VWF: variants seen among roughly 807,000 people sequenced by gnomAD.
The protein encoded by VWF is Factor VIII related antigen.
A neutral mutation model predicts 308.6 loss-of-function variants in VWF; 176 were observed. That is an observed-to-expected ratio of 0.57 (90% CI 0.50 to 0.65). The LOEUF is 0.65. Ranked by LOEUF, VWF falls within the 30% of genes least tolerant of loss-of-function variation. The pLI is 0.00. For synonymous variants in VWF, 1,385 were observed against 1,443.4 expected (o/e 0.96, Z 0.92); for missense variants, 3,146 against 3,648.2 (o/e 0.86, Z 3.55).
chr12:6,059,352 T>G (rs1052473788), intron 13 of VWF, among the ~76,000 whole-genome samples: 2 of 152,242 alleles, frequency 1.3e-5, no homozygotes, highest in Non-Finnish European at 2.9e-5. Context: ...CATTAGAACT[T>G]AAGCTAAATG....
intron 25 of VWF, among the ~76,000 whole-genome samples, chr12:6,023,140 T>C (rs1401617527): frequency 6.6e-6 from 1 of 152,182 alleles, no homozygotes; most frequent in Non-Finnish European, 1.5e-5. Context: ...CAGGCTGGTC[T>C]TGAACTCCTG....
At chr12:6,074,134 CA>C (rs1268794650) in intron 7 of VWF, among the ~76,000 whole-genome samples, 3 of 152,094 alleles carry the variant, frequency 2.0e-5, no homozygotes, top group Non-Finnish European at 4.4e-5. Flanking sequence ...CCCTCCATCC[CA>C]TCCCTCCTCC....
At position 6,019,280 on chromosome 12, in the gene VWF, T is replaced by C. The variant is rs11063988; in HGVS notation, c.4138A>G (p.Ile1380Val). 6.4e-3 allele frequency: 10,334 copies of C among 1,613,744 alleles called. 552 individuals are homozygous for C. In the African/African-American group the frequency reaches 0.12, roughly 18 times the overall value. The change falls in exon 28 of 52, where the codon ATC (isoleucine) becomes GTC (valine). Residue 1380 changes from isoleucine to valine, a missense_variant. Ile to Val is a conservative substitution (Grantham distance 29). This residue lies in a region of VWF where 853 missense variants were observed against 1,177.8 expected (regional missense o/e 0.72). Transcript: ENST00000261405. This position sits in a 1 kb window ranked among gnomAD's most constrained non-coding sequence, Gnocchi z 5.8. ...TGGCTGGCCATCAGGAGCAGGGTGA[T>C]GCGGGAGGCTTCAGGGCGGTCGATC... ...SKIDRPEASR[I>V]TLLLMASQEP...
rs755717764 is a variant in VWF at position 5,990,868 on chromosome 12, TAAAAAAAAAAAAAAAAAA to T, written c.6798+933_6798+950del. Among the ~76,000 whole-genome samples the T allele has an allele frequency of 7.9e-4, 25 of 31,454 alleles. 1 individual carries two copies. In the South Asian group the frequency reaches 0.015, roughly 19 times the overall value. 20.6% of individuals were successfully genotyped at this position (31,454 alleles called of 152,430 possible). A position where few individuals can be genotyped will look rare whatever the true frequency, so the allele number is the denominator to read the frequency against. ...ATACACTCAATAACTCCCATAGAGC[TAAAAAAAAAAAAAAAAAA>T]AAAAAAAAAAAAAAAAAAAAAATTT... On this transcript the variant is annotated intron_variant, in intron 38 of 51. Coordinates refer to ENST00000261405, the MANE Select transcript of VWF (RefSeq NM_000552.5).
In VWF at chr12:6,019,785, C is replaced by A; in HGVS notation, c.3675-42G>T. ...AGAAATTAAAATGGTTCAGGAAGAA[C>A]CTGTGGACACTTCTGAGCCCTACAG... On this transcript the variant is annotated intron_variant, in intron 27 of 51. Transcript: ENST00000261405. The surrounding 1 kb of genome is among the most constrained non-coding windows in gnomAD (Gnocchi z 5.8). 1.3e-6 allele frequency: 2 copies of A among 1,569,942 alleles called. No individual in the cohort carries two copies. Among genetic ancestry groups the A allele is most frequent in the Admixed American group, 1.9e-5 (1 of 52,708 alleles).
rs929417510 is a variant in VWF at position 6,021,807 on chromosome 12, G to A, written c.3674+93C>T. On this transcript the variant is annotated intron_variant, in intron 27 of 51. Transcript: ENST00000261405. ...TAAACTCAGTCTCTCAACTCATGTG[G>A]CTAGGACTTTTTACCCAAAACCTAG... 6.1e-6 allele frequency: 9 copies of A among 1,465,950 alleles called. No individual in the cohort carries two copies. The Admixed American group carries it at 1.5e-4, about 25-fold the overall frequency. 90.8% of individuals were successfully genotyped at this position (1,465,950 alleles called of 1,614,324 possible). A position where few individuals can be genotyped will look rare whatever the true frequency, so the allele number is the denominator to read the frequency against.
intron 35 of VWF, 60 bp downstream of exon 35, chr12:5,995,942 C>T (rs2038658456): frequency 1.9e-6 from 3 of 1,539,554 alleles, no homozygotes; most frequent in African/African-American, 1.4e-5. Flanking sequence ...GCCACCAGGT[C>T]CAGGTGGTTT....
chr12:6,077,818 G>A (rs551158506), intron 6 of VWF, among the ~76,000 whole-genome samples: 1 of 152,242 alleles, frequency 6.6e-6, no homozygotes, highest in African/African-American at 2.4e-5. Context: ...CAATGACGAG[G>A]GAGACTGACA....
Position 6,058,383 on chromosome 12 carries a change from G to A in VWF, c.1534-339C>T, listed in dbSNP as rs192675577. 1.1e-3 allele frequency among the ~76,000 whole-genome samples: 162 copies of A among 152,292 alleles called. No individual in the cohort carries two copies. The highest frequency in any genetic ancestry group is 3.8e-3 in the African/African-American group (156 of 41,566). ...GTCAGGGAGGTAGTGGCGGAGCTAG[G>A]GTGAGTAGGCAGGTTGAGCCCAGCC... is the stretch of plus-strand genomic sequence containing the variant. On this transcript the variant is annotated intron_variant, in intron 13 of 51. Transcript: ENST00000261405. This position sits in a 1 kb window ranked among gnomAD's most constrained non-coding sequence, Gnocchi z 4.9.
intron 16 of VWF, among the ~76,000 whole-genome samples, chr12:6,050,457 T>G (rs1220298479): frequency 6.6e-6 from 1 of 152,182 alleles, no homozygotes; most frequent in East Asian, 1.9e-4. Context: ...TCCTATTTGC[T>G]CCCTGCTAAG....
intron 15 of VWF, among the ~76,000 whole-genome samples, chr12:6,054,324 A>T (rs1944552806): frequency 6.6e-6 from 1 of 152,234 alleles, no homozygotes; most frequent in Non-Finnish European, 1.5e-5. Context: ...TATTGGATGA[A>T]TACTGAGGGA....
Position 6,068,134 on chromosome 12 carries a change from CAA to C in VWF, c.1157-2863_1157-2862del, listed in dbSNP as rs200782717. Reference sequence around the variant, plus strand: ...TGGGCGACTGAGTGAAACTCTGTCTCAAAAAAAAAAAAAAAAAAAAATCCAGA... The same window carrying C: ...TGGGCGACTGAGTGAAACTCTGTCTCAAAAAAAAAAAAAAAAAAATCCAGA... On this transcript the variant is annotated intron_variant, in intron 10 of 51. Transcript: ENST00000261405. Among the ~76,000 whole-genome samples the C allele has an allele frequency of 9.6e-3, 553 of 57,786 alleles. 2 individuals carry two copies. The highest frequency in any genetic ancestry group is 0.029 in the African/African-American group (496 of 17,240). The allele number at this position is 57,786 out of a possible 152,430, so 37.9% of individuals were successfully genotyped here. A position where few individuals can be genotyped will look rare whatever the true frequency, so the allele number is the denominator to read the frequency against.
intron 34 of VWF, 99 bp from the exon 35 acceptor site, chr12:5,996,321 T>C: frequency 9.1e-7 from 1 of 1,099,914 alleles, no homozygotes; most frequent in Non-Finnish European, 1.4e-6. Context: ...CACAGATAAA[T>C]ACAGTAGAGA....
Position 5,971,620 on chromosome 12 carries a change from G to A in VWF, c.7527C>T (p.Asp2509=). 1 of 1,614,188 alleles carries A rather than the reference G, an allele frequency of 6.2e-7. No individual in the cohort carries two copies. The part of the protein sequence containing the change: ...CEVVTGSPRG[D]SQSSWKSVGS... ...CTACACTCTTCCAGGAAGACTGGGA[G>A]TCCCCCCGCGGTGAGCCAGTCACCA... is the stretch of plus-strand genomic sequence containing the variant. The change falls in exon 44 of 52, where the codon GAC becomes GAT. Residue 2509 remains aspartate (D), a synonymous_variant. Coordinates refer to ENST00000261405, the MANE Select transcript of VWF (RefSeq NM_000552.5).
chr12:6,020,397 A>G lies in VWF; in HGVS notation c.3675-654T>C, dbSNP rs1944116709. 1.3e-5 allele frequency among the ~76,000 whole-genome samples: 2 copies of G among 152,226 alleles called. No individual in the cohort carries two copies. On this transcript the variant is annotated intron_variant, in intron 27 of 51. Transcript: ENST00000261405. This position sits in a 1 kb window ranked among gnomAD's most constrained non-coding sequence, Gnocchi z 4.3. The stretch of plus-strand genomic sequence containing the variant: ...GGTCTCCACGGTGTCAGGCCTAGGA[A>G]AAGACATTCACTCATTCCTCCAGCA...
chr12:5,989,520 T>C (rs1453000393), intron 38 of VWF, among the ~76,000 whole-genome samples: 1 of 152,216 alleles, frequency 6.6e-6, no homozygotes, highest in Non-Finnish European at 1.5e-5. Flanking sequence ...GGCTGTGTTG[T>C]TTTCAAAGTT....
At chr12:6,012,020 C>A (rs1030906631) in intron 33 of VWF, 67 bp downstream of exon 33, 1 of 1,580,424 alleles carries the variant, frequency 6.3e-7, no homozygotes, top group African/African-American at 1.4e-5. Flanking sequence ...GAAAAATTAA[C>A]CAGTGGGAAC....
intron 45 of VWF, 111 bp downstream of exon 45, chr12:5,969,100 C>A: frequency 1.6e-6 from 2 of 1,255,952 alleles, no homozygotes; most frequent in Non-Finnish European, 2.3e-6. Context: ...GATTTCGGTC[C>A]TATCCATTTC....
Position 6,058,823 on chromosome 12 carries a change from G to A in VWF, c.1534-779C>T, listed in dbSNP as rs1271569127. On this transcript the variant is annotated intron_variant, in intron 13 of 51. Transcript: ENST00000261405. This position sits in a 1 kb window ranked among gnomAD's most constrained non-coding sequence, Gnocchi z 4.9. Reference sequence around the variant, plus strand: ...CTGAACAAAGTTCTGAGCCCAAAGTGCACATTCGGGAACAACCAGCAGAGT... The same window carrying A: ...CTGAACAAAGTTCTGAGCCCAAAGTACACATTCGGGAACAACCAGCAGAGT... 6.6e-6 allele frequency among the ~76,000 whole-genome samples: 1 copy of A among 152,160 alleles called. No homozygotes were observed. Among genetic ancestry groups the A allele is most frequent in the Non-Finnish European group, 1.5e-5 (1 of 68,034 alleles).
Sources: allele counts gnomAD v4.1 joint callset (sites outside exome capture counted in the v4.1 genomes callset), GRCh38; gene constraint gnomAD v4.1.1; regional missense constraint gnomAD v4.1.1; non-coding constraint Gnocchi (gnomAD v3.1); transcripts MANE v1.5; gene names NCBI Gene and HGNC (gene_info 2026-07-23, HGNC 2026-07-21).